The following ALOX12B variants were observed in gnomAD, a reference collection of about 807,000 sequenced individuals.
ALOX12B encodes arachidonate 12-lipoxygenase, 12R type.
Under a neutral mutation model 78.9 loss-of-function variants are expected in ALOX12B, and 47 were observed. That is an observed-to-expected ratio of 0.60 (90% confidence interval 0.47 to 0.76). The LOEUF (loss-of-function observed/expected upper bound fraction) is 0.76, where lower values mean the gene tolerates loss of function less well. ALOX12B is among the 30% of genes least tolerant of loss of function. The pLI is 0.00. For missense variants in ALOX12B, 805 were observed against 922.6 expected, an observed-to-expected ratio of 0.87 and a Z score of 1.65; for synonymous variants, 370 against 374.5, an observed-to-expected ratio of 0.99 and a Z score of 0.14.
Position 8,073,273 on chromosome 17 carries a change from T to G in ALOX12B, c.1801A>C (p.Asn601His). The stretch of plus-strand genomic sequence containing the variant: ...AGCCCCTTAGTCTGAATCGGTGGAT[T>G]CCGCATGGACGCTGGGAAGTTGGGC... The part of the protein sequence containing the change: ...WMPNFPASMR[N>H]PPIQTKGLTT... The change falls in exon 14 of 15, where the codon AAT (asparagine) becomes CAT (histidine). Residue 601 changes from asparagine (N) to histidine (H), a missense_variant. By Grantham distance (68) the Asn-to-His change is moderately conservative. Transcript: ENST00000647874. 6.2e-7 allele frequency: 1 copy of G among 1,614,134 alleles called. No individual in the cohort carries two copies. The highest frequency in any genetic ancestry group is 8.5e-7 in the Non-Finnish European group (1 of 1,180,028).
rs147677143 is a variant in ALOX12B at position 8,084,571 on chromosome 17, C to T, written c.352+1445G>A. On this transcript the variant is annotated intron_variant, in intron 2 of 14. Transcript: ENST00000647874. ...TCCATGTCACCCAGACCTGTCACTG[C>T]AGGAAGATGCTCTGTGTCCCCAGTG... Among the ~76,000 whole-genome samples the T allele has an allele frequency of 3.8e-3, 583 of 152,330 alleles. 2 individuals carry two copies. The highest frequency in any genetic ancestry group is 6.2e-3 in the Non-Finnish European group (425 of 68,026).
chr17:8,084,417 C>T (rs1978291463), intron 2 of ALOX12B, among the ~76,000 whole-genome samples: 1 of 152,186 alleles, frequency 6.6e-6, no homozygotes, highest in African/African-American at 2.4e-5. Context: ...TTTTCATCCC[C>T]AGGGCGGAAG....
At chr17:8,087,151 G>T in intron 1 of ALOX12B, 145 bp downstream of exon 1, 1 of 1,243,776 alleles carries the variant, frequency 8.0e-7, no homozygotes, top group Non-Finnish European at 1.1e-6. Flanking sequence ...GCCTCTCCTC[G>T]CCAAGCTCAG....
rs372427716 is a variant in ALOX12B, at chr17:8,078,283, C to A, written c.1072-1090G>T. Among the ~76,000 whole-genome samples the A allele has an allele frequency of 4.2e-4, 64 of 151,500 alleles. 1 individual carries two copies. The South Asian group carries it at 0.013, about 30-fold the overall frequency. On this transcript the variant is annotated intron_variant, in intron 8 of 14. Coordinates refer to ENST00000647874, the MANE Select transcript of ALOX12B (RefSeq NM_001139.3). ...GCCTCAGCCTCCTGAATATCTGGGA[C>A]TACAGGCGCCGCCCCCGACCATGCC...
In ALOX12B at chr17:8,086,025, C is replaced by G; in HGVS notation, c.343G>C (p.Glu115Gln). The G allele has an allele frequency of 6.2e-7, 1 of 1,614,124 alleles. No individual in the cohort carries two copies. Among genetic ancestry groups the G allele is most frequent in the Non-Finnish European group, 8.5e-7 (1 of 1,180,004 alleles). Residue 115 changes from glutamate to glutamine, a missense_variant, in exon 2 of 15, where the codon GAG becomes CAG. Glu to Gln is a conservative substitution (Grantham distance 29, BLOSUM62 2). Transcript: ENST00000647874. Reference sequence around the variant, plus strand: ...GGTGATGAGGGCTTACCTGTGGCCTCCCGGAGTGCCAGGGTCTCGTAGCCA... The same window carrying G: ...GGTGATGAGGGCTTACCTGTGGCCTGCCGGAGTGCCAGGGTCTCGTAGCCA... ...MDGYETLALR[E>Q]ATGKTTADDS...
chr17:8,078,752 G>C (rs954944448), intron 8 of ALOX12B, among the ~76,000 whole-genome samples: 1 of 151,910 alleles, frequency 6.6e-6, no homozygotes, highest in East Asian at 2.0e-4. Flanking sequence ...AAGCCTATTC[G>C]GGCATACAAA....
Position 8,080,919 on chromosome 17 carries a change from A to T in ALOX12B, c.492T>A (p.Pro164=). 1.2e-6 allele frequency: 2 copies of T among 1,613,780 alleles called. No individual in the cohort carries two copies. Among genetic ancestry groups the T allele is most frequent in the Non-Finnish European group, 1.7e-6 (2 of 1,179,968 alleles). Residue 164 remains proline, a synonymous_variant, in exon 4 of 15, where the codon CCT becomes CCA. Transcript: ENST00000647874. The surrounding 1 kb of genome is among the most constrained non-coding windows in gnomAD (Gnocchi z 4.8). The stretch of plus-strand genomic sequence containing the variant: ...TGGGGTTGCGATGCCTCCGCACCGG[A>T]GGGCGGTAACTGGGAATGTGCACAT... The part of the protein sequence containing the change: ...PSYVHIPSYR[P]PVRRHRNPNR...
chr17:8,073,123 C>T, intron 14 of ALOX12B, 25 bp downstream of exon 14: 3 of 1,613,876 alleles, frequency 1.9e-6, no homozygotes, highest in Non-Finnish European at 1.7e-6. Context: ...TCCCTGTGCT[C>T]AGAGTCCCCC....
rs1978304686 is a variant in ALOX12B at position 8,087,335 on chromosome 17, C to G, written c.108G>C (p.Gln36His). ...AGTCTCTCCCAAAGTGGTTCAGCAG[C>G]TGCTTATGGCTCTCTCCTTGTGTCC... ...IVGTQGESHK[Q>H]LLNHFGRDFA... Residue 36 changes from glutamine (Q) to histidine (H), a missense_variant, in exon 1 of 15, where the codon CAG becomes CAC. Physicochemically the swap from Gln to His is conservative, Grantham distance 24. Transcript: ENST00000647874. The G allele has an allele frequency of 6.2e-7, 1 of 1,613,982 alleles. No individual in the cohort carries two copies. The highest frequency in any genetic ancestry group is 1.3e-5 in the African/African-American group (1 of 74,916).
intron 1 of ALOX12B, among the ~76,000 whole-genome samples, chr17:8,086,485 C>A (rs1212523038): frequency 6.6e-6 from 1 of 152,208 alleles, no homozygotes; most frequent in African/African-American, 2.4e-5. Flanking sequence ...TCTTCTCCCA[C>A]TCCCCTCTCC....
chr17:8,082,152 G>A (rs1977230175), intron 2 of ALOX12B, among the ~76,000 whole-genome samples: 1 of 152,060 alleles, frequency 6.6e-6, no homozygotes, highest in Non-Finnish European at 1.5e-5. Context: ...GGGCACTTAG[G>A]GTGATTCCAT....
In ALOX12B at chr17:8,079,448, A is replaced by C; in HGVS notation, c.1019T>G (p.Leu340Arg). 1 of 1,551,124 alleles carries C rather than the reference A, an allele frequency of 6.4e-7. No individual in the cohort carries two copies. The highest frequency in any genetic ancestry group is 8.7e-7 in the Non-Finnish European group (1 of 1,147,032). Residue 340 changes from leucine to arginine, a missense_variant, in exon 8 of 15, where the codon CTC becomes CGC. Transcript: ENST00000647874. The surrounding 1 kb of genome is among the most constrained non-coding windows in gnomAD (Gnocchi z 6.4). Reference protein sequence around the residue: ...SGRKQHHCAPLCLLHFGPEGK... With the variant: ...SGRKQHHCAPRCLLHFGPEGK... Reference sequence around the variant, plus strand: ...CTCGGGTCCAAAGTGCAGCAGGCAGAGGGGGGCGCAGTGGTGCTGCTTCCG... The same window carrying C: ...CTCGGGTCCAAAGTGCAGCAGGCAGCGGGGGGCGCAGTGGTGCTGCTTCCG...
chr17:8,075,621 TC>T lies in ALOX12B; in HGVS notation c.1627del (p.Glu543SerfsTer21). On this transcript the variant is annotated frameshift_variant, in exon 12 of 15. Coordinates refer to ENST00000647874, the MANE Select transcript of ALOX12B (RefSeq NM_001139.3). ...LQSWVQEIFK[E>X]CLLGRESSGF... ...TGAGCTCTCCCGCCCCAGGAGGCACTCTTTAAATATTTCCTGCACCCAAGAC... is the reference window on the plus strand; with the variant it reads ...TGAGCTCTCCCGCCCCAGGAGGCACTTTTAAATATTTCCTGCACCCAAGAC... The T allele has an allele frequency of 6.2e-7, 1 of 1,614,128 alleles. No individual in the cohort carries two copies. Among genetic ancestry groups the T allele is most frequent in the Non-Finnish European group, 8.5e-7 (1 of 1,180,032 alleles).
At position 8,072,954 on chromosome 17, in the gene ALOX12B, CG is replaced by C; in HGVS notation, c.1927-5del. 6.2e-7 allele frequency: 1 copy of C among 1,609,816 alleles called. No individual in the cohort carries two copies. Among genetic ancestry groups the C allele is most frequent in the Non-Finnish European group, 8.5e-7 (1 of 1,177,600 alleles). Reference sequence around the variant, plus strand: ...CCGGGAAGTGTCCCAGGGGCCGCTGCGGGCAGAGAGCTCGACAGCTGGGACC... The same window carrying C: ...CCGGGAAGTGTCCCAGGGGCCGCTGCGGCAGAGAGCTCGACAGCTGGGACC... On this transcript the variant is annotated splice_polypyrimidine_tract_variant and splice_region_variant and intron_variant, in intron 14 of 14. Coordinates refer to ENST00000647874, the MANE Select transcript of ALOX12B (RefSeq NM_001139.3).
chr17:8,079,509 T>C lies in ALOX12B; in HGVS notation c.958A>G (p.Ile320Val), dbSNP rs1342669236. 32 of 1,550,862 alleles carry C rather than the reference T, an allele frequency of 2.1e-5. No homozygotes were observed. The highest frequency in any genetic ancestry group is 2.8e-5 in the Non-Finnish European group (32 of 1,146,970). Residue 320 changes from isoleucine to valine, a missense_variant, in exon 8 of 15, where the codon ATC (isoleucine) becomes GTC (valine). By Grantham distance (29) the Ile-to-Val change is conservative. Transcript: ENST00000647874. The surrounding 1 kb of genome is among the most constrained non-coding windows in gnomAD (Gnocchi z 6.4). ...TCCACGGTGGGGATGCCCTCCATGA[T>C]GCGGTAGTCGGCCAGGTAAATGTTC... is the stretch of plus-strand genomic sequence containing the variant. ...KGNIYLADYR[I>V]MEGIPTVELS...
rs1348281316 is a variant in ALOX12B at position 8,080,471 on chromosome 17, A to G, written c.651-133T>C. 3 of 1,377,686 alleles carry G rather than the reference A, an allele frequency of 2.2e-6. No individual in the cohort carries two copies. Among genetic ancestry groups the G allele is most frequent in the African/African-American group, 1.4e-5 (1 of 69,656 alleles). 85.3% of individuals were successfully genotyped at this position (1,377,686 alleles called of 1,614,324 possible). A position where few individuals can be genotyped will look rare whatever the true frequency, so the allele number is the denominator to read the frequency against. ...GTGCGTCGCAAAGTCTCTGGGTCCCATGTCTCAAGATCTTTGCATCTCTAG... is the reference window on the plus strand; with the variant it reads ...GTGCGTCGCAAAGTCTCTGGGTCCCGTGTCTCAAGATCTTTGCATCTCTAG... On this transcript the variant is annotated intron_variant, in intron 5 of 14. Transcript: ENST00000647874. The surrounding 1 kb of genome is among the most constrained non-coding windows in gnomAD (Gnocchi z 4.8).
rs199521730 is a variant in ALOX12B, at chr17:8,080,879, C to T, written c.527+5G>A. 1.9e-6 allele frequency: 3 copies of T among 1,613,930 alleles called. No homozygotes were observed. The highest frequency in any genetic ancestry group is 1.7e-5 in the Admixed American group (1 of 60,020). On this transcript the variant is annotated splice_donor_5th_base_variant and intron_variant, in intron 4 of 14. Transcript: ENST00000647874. The surrounding 1 kb of genome is among the most constrained non-coding windows in gnomAD (Gnocchi z 4.8). ...GCGGGGCCCAGCACAGCTTCGGGTC[C>T]TTACTCAGGCCGGTTGGGGTTGCGA...
chr17:8,076,886 C>G (rs1418221819), intron 9 of ALOX12B, 104 bp downstream of exon 9: 24 of 1,333,334 alleles, frequency 1.8e-5, no homozygotes, highest in Non-Finnish European at 2.4e-5. Flanking sequence ...AGATGCCCCC[C>G]AGGCTGACTG....
chr17:8,087,643 G>T lies in ALOX12B; in HGVS notation c.-201C>A. ...GAAAAGCTGCTGCCCTTGGTGGCCG[G>T]GGTGGGTGCCGGGCAGGCCCAGGCG... On this transcript the variant is annotated 5_prime_UTR_variant, in exon 1 of 15. Coordinates refer to ENST00000647874, the MANE Select transcript of ALOX12B (RefSeq NM_001139.3). The T allele has an allele frequency of 1.1e-6, 1 of 876,312 alleles. No homozygotes were observed. Among genetic ancestry groups the T allele is most frequent in the Non-Finnish European group, 1.8e-6 (1 of 569,528 alleles). The allele number at this position is 876,312 out of a possible 1,614,324, so 54.3% of individuals were successfully genotyped here. A position where few individuals can be genotyped will look rare whatever the true frequency, so the allele number is the denominator to read the frequency against.
Sources: gnomAD v4.1 joint callset for allele counts (sites outside exome capture counted in the v4.1 genomes callset) on GRCh38, gnomAD v4.1.1 for gene constraint, Gnocchi (gnomAD v3.1) non-coding constraint, MANE v1.5 for transcripts, NCBI Gene and HGNC (gene_info 2026-07-23, HGNC 2026-07-21) for gene names.